Variants in C10orf90 observed in about 807,000 individuals in gnomAD.
C10orf90 encodes the protein (E2-independent) E3 ubiquitin-conjugating enzyme FATS.
Under a neutral mutation model 62.5 loss-of-function variants are expected in C10orf90, and 56 were observed. That is an observed-to-expected ratio of 0.90 (90% CI 0.72 to 1.12). C10orf90 has a LOEUF of 1.12. Ranked by LOEUF, C10orf90 falls within the 50% of genes most tolerant of loss-of-function variation. The pLI is 0.00. For missense variants in C10orf90, 970 were observed against 880.4 expected (o/e 1.10, Z -1.29); for synonymous variants, 386 against 340.4 (o/e 1.13, Z -1.47).
rs187824910 is a variant in C10orf90 at position 126,574,338 on chromosome 10, C to T, written c.314-60399G>A. ...TAGATAAGGAAAAACAAAGGAAAAA[C>T]GGTCAAAGGATACAAATGGGAAGTT... On this transcript the variant is annotated intron_variant, in intron 2 of 9. Coordinates refer to ENST00000488181, the MANE Select transcript of C10orf90 (RefSeq NM_001350921.2). Among the ~76,000 whole-genome samples, 19 of 151,996 alleles carry T rather than the reference C, an allele frequency of 1.3e-4. No homozygotes were observed. In the East Asian group the frequency reaches 1.5e-3, roughly 12 times the overall value.
At chr10:126,649,753 T>C (rs2133856670) in intron 1 of C10orf90, among the ~76,000 whole-genome samples, 1 of 152,290 alleles carries the variant, frequency 6.6e-6, no homozygotes, top group African/African-American at 2.4e-5. Flanking sequence ...AAGAAAGTTG[T>C]TGGCCTCACT....
chr10:126,488,978 C>G (rs1165965128), intron 4 of C10orf90, among the ~76,000 whole-genome samples: 1 of 152,022 alleles, frequency 6.6e-6, no homozygotes, highest in African/African-American at 2.4e-5. Context: ...AGTTCCAATC[C>G]TCTAAAATCT....
chr10:126,606,471 T>C lies in C10orf90; in HGVS notation c.313+40094A>G, dbSNP rs369841904. ...CCTTTGAATAAGAATGAAGATACTA[T>C]AAGTCGTTTATGCCATTTCTCGAAG... is the stretch of plus-strand genomic sequence containing the variant. On this transcript the variant is annotated intron_variant, in intron 2 of 9. Coordinates refer to ENST00000488181, the MANE Select transcript of C10orf90 (RefSeq NM_001350921.2). 5.3e-5 allele frequency among the ~76,000 whole-genome samples: 8 copies of C among 152,292 alleles called. No homozygotes were observed. The South Asian group carries it at 1.2e-3, about 24-fold the overall frequency.
chr10:126,658,273 G>T (rs538431452), intron 1 of C10orf90, among the ~76,000 whole-genome samples: 1 of 152,172 alleles, frequency 6.6e-6, no homozygotes, highest in Non-Finnish European at 1.5e-5. Flanking sequence ...CTACTTCCCT[G>T]TATAGCCAGC....
chr10:126,438,000 T>C (rs1347565355), intron 7 of C10orf90, among the ~76,000 whole-genome samples: 3 of 152,242 alleles, frequency 2.0e-5, no homozygotes, highest in African/African-American at 7.2e-5. Context: ...TATTTCACAT[T>C]GTGACATCTG....
intron 2 of C10orf90, among the ~76,000 whole-genome samples, chr10:126,603,566 G>A (rs550722409): frequency 1.6e-4 from 24 of 152,278 alleles, no homozygotes; most frequent in East Asian, 5.8e-4. Flanking sequence ...ACCCCTGGCT[G>A]CCCTGATTGC....
intron 2 of C10orf90, among the ~76,000 whole-genome samples, chr10:126,547,822 C>T (rs368383470): frequency 4.6e-5 from 7 of 151,782 alleles, no homozygotes; most frequent in East Asian, 1.9e-4. Context: ...TTGAAATTGC[C>T]CAAACTGAAT....
chr10:126,452,791 T>C (rs1235589909), intron 7 of C10orf90, among the ~76,000 whole-genome samples: 1 of 152,230 alleles, frequency 6.6e-6, no homozygotes, highest in Admixed American at 6.5e-5. Flanking sequence ...TTTTCAGTAA[T>C]TCATGCTTCC....
chr10:126,446,766 CTT>C (rs1221114365), intron 7 of C10orf90, among the ~76,000 whole-genome samples: 1 of 152,130 alleles, frequency 6.6e-6, no homozygotes. Flanking sequence ...ATAAAAATCA[CTT>C]ATATCTCTAG....
chr10:126,586,139 T>C (rs148320231), intron 2 of C10orf90, among the ~76,000 whole-genome samples: 2 of 152,360 alleles, frequency 1.3e-5, no homozygotes, highest in East Asian at 3.9e-4. Flanking sequence ...TATTTCCTAA[T>C]AGCCAGCCTT....
chr10:126,599,165 C>CTCA (rs1845143901), intron 2 of C10orf90, among the ~76,000 whole-genome samples: 1 of 151,262 alleles, frequency 6.6e-6, no homozygotes, highest in African/African-American at 2.4e-5. Context: ...AATGCCAGGC[C>CTCA]TCATTGGGTT....
chr10:126,633,536 G>A (rs551030933), intron 2 of C10orf90, among the ~76,000 whole-genome samples: 7 of 152,344 alleles, frequency 4.6e-5, no homozygotes, highest in Admixed American at 3.3e-4. Context: ...GGCCCCTCCT[G>A]TAGGATGAGG....
At chr10:126,662,328 A>C (rs1420636110) in intron 1 of C10orf90, among the ~76,000 whole-genome samples, 2 of 152,054 alleles carry the variant, frequency 1.3e-5, no homozygotes, top group Non-Finnish European at 2.9e-5. Flanking sequence ...CATGGCTCTG[A>C]GGTAGTGCTG....
intron 2 of C10orf90, among the ~76,000 whole-genome samples, chr10:126,540,487 C>T (rs1367044437): frequency 6.6e-6 from 1 of 151,964 alleles, no homozygotes; most frequent in Non-Finnish European, 1.5e-5. Context: ...AGTGAGATCC[C>T]ATCTCTACAA....
rs150856006 is a variant in C10orf90 at position 126,648,467 on chromosome 10, A to G, written c.241-1830T>C. On this transcript the variant is annotated intron_variant, in intron 1 of 9. Coordinates refer to ENST00000488181, the MANE Select transcript of C10orf90 (RefSeq NM_001350921.2). ...CTGTTATAGCAGCACAAAGAAGACT[A>G]AGACACTAAGTATCATTATTTGGCT... is the stretch of plus-strand genomic sequence containing the variant. Among the ~76,000 whole-genome samples, 49 of 152,370 alleles carry G rather than the reference A, an allele frequency of 3.2e-4. 1 individual carries two copies. The highest frequency in any genetic ancestry group is 1.1e-3 in the African/African-American group (47 of 41,596).
intron 4 of C10orf90, among the ~76,000 whole-genome samples, chr10:126,490,223 C>T (rs1861694130): frequency 6.8e-6 from 1 of 146,116 alleles, no homozygotes; most frequent in Non-Finnish European, 1.5e-5. Context: ...CTAACGCATG[C>T]AACGGCATAA....
chr10:126,649,052 C>G (rs1033715138), intron 1 of C10orf90, among the ~76,000 whole-genome samples: 3 of 56,134 alleles, frequency 5.3e-5, no homozygotes, highest in African/African-American at 7.2e-5. Context: ...CTCTCTCTCT[C>G]TCTCTCTCTC....
chr10:126,483,374 T>C (rs1411738094), intron 4 of C10orf90, among the ~76,000 whole-genome samples: 1 of 152,262 alleles, frequency 6.6e-6, no homozygotes, highest in Non-Finnish European at 1.5e-5. Flanking sequence ...TTAAGTTTTA[T>C]AATGTAATTA....
intron 2 of C10orf90, among the ~76,000 whole-genome samples, chr10:126,638,650 G>A (rs946546486): frequency 1.3e-5 from 2 of 152,116 alleles, no homozygotes; most frequent in Admixed American, 1.3e-4. Flanking sequence ...GAGGGCCTTG[G>A]ATGGCCTATC....
Sources: gnomAD v4.1 joint callset for allele counts (sites outside exome capture counted in the v4.1 genomes callset) on GRCh38, gnomAD v4.1.1 for gene constraint, MANE v1.5 for transcripts, NCBI Gene and HGNC (gene_info 2026-07-23, HGNC 2026-07-21) for gene names.